KRTAP4-9: variants seen among roughly 807,000 people sequenced by gnomAD.
The protein encoded by KRTAP4-9 is keratin-associated protein 4-9.
Under a neutral mutation model 4.3 loss-of-function variants are expected in KRTAP4-9, and 4 were observed. That is an observed-to-expected ratio of 0.94 (90% CI 0.46 to 2.15). The LOEUF is 2.15. Ranked by LOEUF, KRTAP4-9 falls within the 30% of genes most tolerant of loss-of-function variation. The pLI, the probability that KRTAP4-9 is intolerant of heterozygous loss-of-function variation, is 0.02. For synonymous variants in KRTAP4-9, 111 were observed against 99.2 expected (o/e 1.12, Z -0.70); for missense variants, 297 against 278.5 (o/e 1.07, Z -0.47).
rs1195965227 is a variant in KRTAP4-9 at position 41,106,005 on chromosome 17, C to A, written c.617C>A (p.Ala206Asp). ...AGCTGCCCCCGCCCCTTGTGCTGTG[C>A]CTCCTCTTGCTGCTGAGCCCACTGC... Residue 206 changes from alanine to aspartate, a missense_variant, in exon 1 of 1, where the codon GCC (alanine) becomes GAC (aspartate). Coordinates refer to ENST00000391415, the Ensembl canonical transcript of KRTAP4-9. The A allele has an allele frequency of 2.5e-5, 40 of 1,586,848 alleles. 1 individual carries two copies. The highest frequency in any genetic ancestry group is 3.4e-5 in the Non-Finnish European group (40 of 1,166,208).
rs1391279320 is a variant in KRTAP4-9, at chr17:41,105,941, T to C, written c.553T>C (p.Cys185Arg). Residue 185 changes from cysteine to arginine, a missense_variant, in exon 1 of 1, where the codon TGC (cysteine) becomes CGC (arginine). By Grantham distance (180) the Cys-to-Arg change is radical. Transcript: ENST00000391415. Reference sequence around the variant, plus strand: ...GCGTCCAGTCTGTGGCCGAGTCTCCTGCCACACCACTTGCTATCGCCCAAC... The same window carrying C: ...GCGTCCAGTCTGTGGCCGAGTCTCCCGCCACACCACTTGCTATCGCCCAAC... 8.7e-6 allele frequency: 14 copies of C among 1,605,874 alleles called. 1 individual carries two copies. In the South Asian group the frequency reaches 1.0e-4, roughly 11 times the overall value.
exon 1 of KRTAP4-9, chr17:41,106,128 A>C: frequency 1.4e-6 from 2 of 1,449,938 alleles, no homozygotes; most frequent in Non-Finnish European, 1.8e-6. Flanking sequence ...GTCATTCAAT[A>C]GAATGGAACT....
At chr17:41,105,971 G>T in exon 1 of KRTAP4-9, 1 of 1,599,774 alleles carries the variant, frequency 6.3e-7, no homozygotes, top group Non-Finnish European at 8.5e-7. Context: ...CCCAACCTGT[G>T]TCATCTCCAG....
exon 1 of KRTAP4-9, chr17:41,105,708 C>T (rs1353181576): frequency 1.9e-6 from 3 of 1,572,846 alleles, no homozygotes; most frequent in Non-Finnish European, 2.6e-6. Flanking sequence ...TGCTGTCGCC[C>T]CAGCTGCTGT....
rs1169969092 is a variant in KRTAP4-9 at position 41,105,566 on chromosome 17, T to C, written c.178T>C (p.Cys60Arg). ...GCCCCAGTGCTGCCAGTCTGTGTGC[T>C]GCCAACCCACTTGTTCCCGCCCCAG... The change falls in exon 1 of 1, where the codon TGC becomes CGC. Residue 60 changes from cysteine to arginine, a missense_variant. By Grantham distance (180) the Cys-to-Arg change is radical. Transcript: ENST00000391415. 3.8e-6 allele frequency: 6 copies of C among 1,570,506 alleles called. No individual in the cohort carries two copies. In the Admixed American group the frequency reaches 1.1e-4, roughly 29 times the overall value.
chr17:41,106,151 G>A (rs943191140), exon 1 of KRTAP4-9: 1 of 1,406,528 alleles, frequency 7.1e-7, no homozygotes, highest in Non-Finnish European at 9.5e-7. Context: ...TGTTTCCAAT[G>A]AGCCCATCAC....
At chr17:41,105,836 T>A (rs2014078597) in exon 1 of KRTAP4-9, 1 of 1,609,896 alleles carries the variant, frequency 6.2e-7, no homozygotes, top group South Asian at 1.1e-5. Flanking sequence ...GCCCAACTGC[T>A]GCCGCCCCAG....
rs2014089310 is a variant in KRTAP4-9, at chr17:41,106,187, T to C, written c.*166T>C. 2.4e-6 allele frequency: 3 copies of C among 1,252,150 alleles called. No homozygotes were observed. The South Asian group carries it at 5.1e-5, about 21-fold the overall frequency. 77.6% of individuals were successfully genotyped at this position (1,252,150 alleles called of 1,614,324 possible). On this transcript the variant is annotated 3_prime_UTR_variant, in exon 1 of 1. Transcript: ENST00000391415. The stretch of plus-strand genomic sequence containing the variant: ...CATTTCACTGACTCTTTGAGAACAT[T>C]CTGATTCATTTTAAACTCCCTCCCT...
chr17:41,105,933 G>A (rs1459462201), exon 1 of KRTAP4-9: 19 of 1,605,574 alleles, frequency 1.2e-5, no homozygotes, highest in East Asian at 4.5e-5. Context: ...GTCTGTGGCC[G>A]AGTCTCCTGC....
At chr17:41,106,255 T>C in exon 1 of KRTAP4-9, 1 of 732,880 alleles carries the variant, frequency 1.4e-6, no homozygotes, top group South Asian at 2.3e-5. Flanking sequence ...TGTGAATTAA[T>C]TTGTAATCCA....
At chr17:41,105,628 C>T in exon 1 of KRTAP4-9, 1 of 1,600,652 alleles carries the variant, frequency 6.2e-7, no homozygotes, top group East Asian at 2.3e-5. Context: ...CCACCTGCTA[C>T]CGCCCCAGCT....
At chr17:41,105,827 C>G in exon 1 of KRTAP4-9, 1 of 1,611,490 alleles carries the variant, frequency 6.2e-7, no homozygotes, top group Non-Finnish European at 8.5e-7. Context: ...GTGCTGCCAG[C>G]CCAACTGCTG....
chr17:41,105,856 C>T (rs762000561), exon 1 of KRTAP4-9: 68 of 1,610,880 alleles, frequency 4.2e-5, no homozygotes, highest in Non-Finnish European at 5.2e-5. Flanking sequence ...GCTGCAGCAT[C>T]TCCAGCTGCT....
chr17:41,105,740 A>G, exon 1 of KRTAP4-9: 2 of 1,598,628 alleles, frequency 1.3e-6, no homozygotes, highest in Non-Finnish European at 1.7e-6. Context: ...CTGCCACCCT[A>G]GGTGCTGCAT....
Sources: allele counts gnomAD v4.1 joint callset, GRCh38; gene constraint gnomAD v4.1.1; transcripts MANE v1.5; gene names NCBI Gene and HGNC (gene_info 2026-07-23, HGNC 2026-07-21).